AEBP2: variants seen among roughly 807,000 people sequenced by gnomAD.
The protein encoded by AEBP2 is AE binding protein 2.
Under a neutral mutation model 50.8 loss-of-function variants are expected in AEBP2, and 10 were observed. The ratio of observed to expected loss-of-function variants is 0.20; its 90% CI spans 0.12 to 0.33. The LOEUF is 0.33. AEBP2 is among the 10% of genes least tolerant of loss of function. AEBP2 has a pLI of 1.00. For synonymous variants in AEBP2, 296 were observed against 261.3 expected, an observed-to-expected ratio of 1.13 and a Z score of -1.28; for missense variants, 570 against 688.0, an observed-to-expected ratio of 0.83 and a Z score of 1.92.
intron 5 of AEBP2, among the ~76,000 whole-genome samples, chr12:19,506,171 A>G (rs1658739010): frequency 6.6e-6 from 1 of 152,028 alleles, no homozygotes; most frequent in Admixed American, 6.6e-5. Context: ...ATACTGGCTC[A>G]CTGCAACCTC....
chr12:19,459,980 G>A (rs1948344114), intron 1 of AEBP2, among the ~76,000 whole-genome samples: 1 of 152,126 alleles, frequency 6.6e-6, no homozygotes, highest in Non-Finnish European at 1.5e-5. Flanking sequence ...CCAGTACTTT[G>A]GGAGGCCAAG....
At chr12:19,405,726 C>T (rs1453161185) in intron 1 of AEBP2, among the ~76,000 whole-genome samples, 1 of 152,162 alleles carries the variant, frequency 6.6e-6, no homozygotes, top group Non-Finnish European at 1.5e-5. Flanking sequence ...GGGGTTCCTG[C>T]TTCGTCTCAC....
intron 7 of AEBP2, among the ~76,000 whole-genome samples, chr12:19,515,964 G>A (rs11044634): frequency 0.021 from 3,270 of 152,128 alleles, 41 homozygotes; most frequent in East Asian, 0.043. Flanking sequence ...ACATGCCTGT[G>A]GTCCCAGCTA....
chr12:19,503,098 T>G (rs1264655640), intron 5 of AEBP2, among the ~76,000 whole-genome samples: 1 of 152,202 alleles, frequency 6.6e-6, no homozygotes, highest in African/African-American at 2.4e-5. Context: ...CCATGTGAAT[T>G]TTAGAATACT....
At chr12:19,485,457 A>C (rs1310882527) in intron 3 of AEBP2, among the ~76,000 whole-genome samples, 2 of 152,124 alleles carry the variant, frequency 1.3e-5, no homozygotes, top group Non-Finnish European at 2.9e-5. Flanking sequence ...CTGTAATCCC[A>C]GCACTTTGGG....
chr12:19,493,805 T>C lies in AEBP2; in HGVS notation c.993T>C (p.Val331=). Residue 331 remains valine, a synonymous_variant, in exon 4 of 8, where the codon GTT becomes GTC. Coordinates refer to ENST00000266508, the MANE Select transcript of AEBP2 (RefSeq NM_153207.5). ...TCTGTTTTATTTTCTTTTAGTGTGT[T>C]GTTGGTGGCTGCAATGCCAGCTTTG... The part of the protein sequence containing the change: ...THSGDKPFKC[V]VGGCNASFAS... 6.2e-7 allele frequency: 1 copy of C among 1,613,720 alleles called. No homozygotes were observed. The highest frequency in any genetic ancestry group is 8.5e-7 in the Non-Finnish European group (1 of 1,179,768).
intron 1 of AEBP2, among the ~76,000 whole-genome samples, chr12:19,461,701 G>C (rs1285837834): frequency 1.3e-5 from 2 of 151,946 alleles, no homozygotes; most frequent in Non-Finnish European, 2.9e-5. Flanking sequence ...AGTAGCAGTG[G>C]GATTTCACCA....
chr12:19,463,888 ACTC>A (rs1360186764), intron 2 of AEBP2, among the ~76,000 whole-genome samples: 6 of 151,754 alleles, frequency 4.0e-5, no homozygotes, highest in Non-Finnish European at 8.8e-5. Context: ...CTGGTCTCGA[ACTC>A]CTGAACTCAG....
rs61479211 is a variant in AEBP2 at position 19,478,889 on chromosome 12, A to G, written c.987+5534A>G. 5.4e-3 allele frequency among the ~76,000 whole-genome samples: 828 copies of G among 152,246 alleles called. 6 individuals carry two copies. Among genetic ancestry groups the G allele is most frequent in the African/African-American group, 0.016 (653 of 41,544 alleles). The stretch of plus-strand genomic sequence containing the variant: ...ATAGAGACTTGTTTTGTGACCTATC[A>G]TATGGTCTATCTTGGTCTATCCATG... On this transcript the variant is annotated intron_variant, in intron 3 of 7. Coordinates refer to ENST00000266508, the MANE Select transcript of AEBP2 (RefSeq NM_153207.5).
chr12:19,423,063 T>TA (rs2095746637), intron 1 of AEBP2, among the ~76,000 whole-genome samples: 1 of 3,794 alleles, frequency 2.6e-4, no homozygotes, highest in Admixed American at 2.5e-3. Context: ...AGACTCTGTC[T>TA]CAAAAAAAAA....
In AEBP2 at chr12:19,440,223, G is replaced by T; in HGVS notation, c.524G>T (p.Ser175Ile). Residue 175 changes from serine to isoleucine, a missense_variant, in exon 1 of 8, where the codon AGC (serine) becomes ATC (isoleucine). Around this residue, in one of 2 missense-constraint regions of AEBP2, gnomAD observed 386 missense variants for 336.8 expected, o/e 1.15. Coordinates refer to ENST00000266508, the MANE Select transcript of AEBP2 (RefSeq NM_153207.5). ...RGSQGGGGGG[S>I]SSSSVVSSGG... is the part of the protein sequence containing the mutation. ...AGCCAGGGCGGCGGCGGGGGCGGCAGCAGTAGCAGCAGCGTAGTCTCCAGC... is the reference window on the plus strand; with the variant it reads ...AGCCAGGGCGGCGGCGGGGGCGGCATCAGTAGCAGCAGCGTAGTCTCCAGC... 1.4e-6 allele frequency: 2 copies of T among 1,469,810 alleles called. No homozygotes were observed. The highest frequency in any genetic ancestry group is 8.9e-7 in the Non-Finnish European group (1 of 1,123,898). The allele number at this position is 1,469,810 out of a possible 1,614,324, so 91.0% of individuals were successfully genotyped here. A position where few individuals can be genotyped will look rare whatever the true frequency, so the allele number is the denominator to read the frequency against.
At chr12:19,409,059 G>C (rs2095737865) in intron 1 of AEBP2, among the ~76,000 whole-genome samples, 1 of 151,770 alleles carries the variant, frequency 6.6e-6, no homozygotes, top group African/African-American at 2.4e-5. Context: ...GCATAGAATC[G>C]GGGAAAAATT....
chr12:19,452,274 A>G (rs900251982), intron 1 of AEBP2, among the ~76,000 whole-genome samples: 1 of 152,290 alleles, frequency 6.6e-6, no homozygotes. Context: ...ATTACAGGCA[A>G]GAGCAACTGC....
intron 1 of AEBP2, among the ~76,000 whole-genome samples, chr12:19,457,972 CAG>C (rs1948301235): frequency 6.6e-6 from 1 of 152,128 alleles, no homozygotes; most frequent in South Asian, 2.1e-4. Flanking sequence ...TTCCAAATAT[CAG>C]GGTGTATAGG....
rs1480303415 is a variant in AEBP2 at position 19,432,392 on chromosome 12, T to G, written c.-17+28176T>G. On this transcript the variant is annotated intron_variant, in intron 1 of 3. Coordinates refer to the AEBP2 transcript ENST00000538425. ...TGACTGTACTATGACTTTGGCTGTT[T>G]TGTTTGTATCCCAAATTTTGGCAGG... is the stretch of plus-strand genomic sequence containing the variant. Among the ~76,000 whole-genome samples, 3 of 152,318 alleles carry G rather than the reference T, an allele frequency of 2.0e-5. No individual in the cohort carries two copies. The East Asian group carries it at 5.8e-4, about 29-fold the overall frequency.
At position 19,507,632 on chromosome 12, in the gene AEBP2, C is replaced by CAGTT. The variant is rs560441732; in HGVS notation, c.1300-4765_1300-4764insGTTA. On this transcript the variant is annotated intron_variant, in intron 5 of 7. Transcript: ENST00000266508. ...AGAGGTACCTTAACTGAGGAAAAGT[C>CAGTT]ACAAAGGTGGAATGTAATCTGAAGA... 8.0e-3 allele frequency among the ~76,000 whole-genome samples: 1,214 copies of CAGTT among 152,182 alleles called. 15 individuals are homozygous for CAGTT. Among genetic ancestry groups the CAGTT allele is most frequent in the African/African-American group, 0.027 (1,140 of 41,500 alleles).
intron 4 of AEBP2, among the ~76,000 whole-genome samples, chr12:19,494,498 CTT>C (rs747750453): frequency 9.5e-5 from 11 of 115,854 alleles, no homozygotes; most frequent in Middle Eastern, 4.5e-3. Context: ...AGCAGTGTTG[CTT>C]TTTTTTTTTT....
intron 1 of AEBP2, chr12:19,440,587 C>T (rs1592715398): frequency 6.9e-7 from 1 of 1,455,344 alleles, no homozygotes; most frequent in Non-Finnish European, 9.1e-7. Context: ...CCCCAACTCT[C>T]CTTTCCCCGC....
intron 1 of AEBP2, among the ~76,000 whole-genome samples, chr12:19,423,064 CAAAA>C (rs751550689): frequency 5.7e-5 from 2 of 35,034 alleles, no homozygotes; most frequent in African/African-American, 1.5e-4. Context: ...GACTCTGTCT[CAAAA>C]AAAAAAAAAA....
Sources: allele counts gnomAD v4.1 joint callset (sites outside exome capture counted in the v4.1 genomes callset), GRCh38; gene constraint gnomAD v4.1.1; regional missense constraint gnomAD v4.1.1; transcripts MANE v1.5; gene names NCBI Gene and HGNC (gene_info 2026-07-23, HGNC 2026-07-21).